Variants in EPHB1 observed in about 807,000 individuals in gnomAD.
EPHB1 encodes ephrin type-B receptor 1.
In EPHB1, 30 loss-of-function variants were observed where a neutral mutation model predicts 94.4. That is an observed-to-expected ratio of 0.32 (90% CI 0.24 to 0.43). The LOEUF is 0.43. Ranked by LOEUF, EPHB1 falls within the 20% of genes least tolerant of loss-of-function variation. The probability of loss-of-function intolerance (pLI) is 1.00; values close to 1 mark genes in which losing one functional copy is unlikely to be tolerated. For missense variants in EPHB1, 1,055 were observed against 1,308.3 expected, an observed-to-expected ratio of 0.81 and a Z score of 2.99; for synonymous variants, 522 against 489.1, an observed-to-expected ratio of 1.07 and a Z score of -0.89.
intron 1 of EPHB1, among the ~76,000 whole-genome samples, chr3:134,830,490 G>A (rs1578121015): frequency 2.0e-5 from 3 of 152,216 alleles, no homozygotes; most frequent in African/African-American, 7.2e-5. Flanking sequence ...AGGATGGTGG[G>A]GGAGTTTTGC....
chr3:134,995,708 G>T (rs964774435), intron 3 of EPHB1, among the ~76,000 whole-genome samples: 1 of 150,112 alleles, frequency 6.7e-6, no homozygotes, highest in African/African-American at 2.5e-5. Flanking sequence ...ATATAAAATG[G>T]TACAACCACT....
At chr3:134,945,813 G>A (rs1266611683) in intron 2 of EPHB1, among the ~76,000 whole-genome samples, 2 of 152,184 alleles carry the variant, frequency 1.3e-5, no homozygotes, top group East Asian at 1.9e-4. Context: ...ACTGACTTTC[G>A]GGCAGGCAGT....
chr3:135,065,971 G>A (rs1168029538), intron 3 of EPHB1, among the ~76,000 whole-genome samples: 3 of 152,164 alleles, frequency 2.0e-5, no homozygotes, highest in Non-Finnish European at 2.9e-5. Flanking sequence ...TAGTTTTACT[G>A]GATACAAAAT....
At chr3:134,930,883 G>A (rs62270312) in intron 2 of EPHB1, among the ~76,000 whole-genome samples, 12,863 of 152,232 alleles carry the variant, frequency 0.084, 604 homozygotes, top group African/African-American at 0.12. Flanking sequence ...CCTTCACTCT[G>A]TAAGTTAAAT....
chr3:135,223,107 C>T (rs562331173), intron 12 of EPHB1, among the ~76,000 whole-genome samples: 2 of 152,294 alleles, frequency 1.3e-5, no homozygotes, highest in South Asian at 4.1e-4. Flanking sequence ...ATCAGTAAGC[C>T]TAATCATATG....
At position 134,795,609 on chromosome 3, in the gene EPHB1, G is replaced by A. The variant is rs753435570; in HGVS notation, c.-23G>A. 6.2e-7 allele frequency: 1 copy of A among 1,603,358 alleles called. No individual in the cohort carries two copies. The highest frequency in any genetic ancestry group is 8.5e-7 in the Non-Finnish European group (1 of 1,176,092). On this transcript the variant is annotated 5_prime_UTR_variant, in exon 1 of 16. Coordinates refer to ENST00000398015, the MANE Select transcript of EPHB1 (RefSeq NM_004441.5). ...GGCGCTGCTGCCTCGGCTTGGTCTC[G>A]GCCTGCGGGCCGTCGGCCGGCGATG...
chr3:135,138,019 G>A (rs1940683270), intron 5 of EPHB1, among the ~76,000 whole-genome samples: 2 of 152,220 alleles, frequency 1.3e-5, no homozygotes, highest in Non-Finnish European at 2.9e-5. Flanking sequence ...GCCATTGGAT[G>A]ATTCTGATGC....
intron 4 of EPHB1, among the ~76,000 whole-genome samples, chr3:135,129,753 G>T (rs1253228417): frequency 1.3e-5 from 2 of 152,220 alleles, no homozygotes; most frequent in Non-Finnish European, 2.9e-5. Flanking sequence ...GGGCCTCAGG[G>T]AAGGGTCCTA....
intron 3 of EPHB1, among the ~76,000 whole-genome samples, chr3:135,048,181 C>T (rs1012647847): frequency 2.0e-5 from 3 of 149,434 alleles, no homozygotes; most frequent in African/African-American, 7.5e-5. Context: ...CTCCCTTAGT[C>T]CCTTTTCTGT....
chr3:135,249,601 C>G, intron 15 of EPHB1, 110 bp downstream of exon 15: 1 of 1,309,124 alleles, frequency 7.6e-7, no homozygotes, highest in Non-Finnish European at 1.1e-6. Context: ...GGAGCTCCGT[C>G]TCTGTATAGA....
At chr3:134,847,427 C>T (rs1241494942) in intron 1 of EPHB1, among the ~76,000 whole-genome samples, 1 of 152,234 alleles carries the variant, frequency 6.6e-6, no homozygotes, top group Non-Finnish European at 1.5e-5. Context: ...GGACACTCCA[C>T]CTACTTTACC....
chr3:134,898,987 C>T (rs1036409904), intron 1 of EPHB1, among the ~76,000 whole-genome samples: 2 of 152,080 alleles, frequency 1.3e-5, no homozygotes, highest in Non-Finnish European at 2.9e-5. Context: ...AGGGCACTGT[C>T]GGGGAGGCAT....
intron 2 of EPHB1, among the ~76,000 whole-genome samples, chr3:134,950,677 G>A (rs1439031904): frequency 6.6e-6 from 1 of 152,076 alleles, no homozygotes; most frequent in Non-Finnish European, 1.5e-5. Flanking sequence ...ATCACCAAAG[G>A]GATGGTGCTA....
At chr3:135,058,762 TA>T (rs1937413242) in intron 3 of EPHB1, among the ~76,000 whole-genome samples, 1 of 152,230 alleles carries the variant, frequency 6.6e-6, no homozygotes, top group South Asian at 2.1e-4. Context: ...TGCCTCCGGC[TA>T]CATGGGGATT....
intron 1 of EPHB1, among the ~76,000 whole-genome samples, chr3:134,909,985 C>T (rs2038418291): frequency 6.6e-6 from 1 of 152,154 alleles, no homozygotes; most frequent in African/African-American, 2.4e-5. Context: ...GAGGTCCAGC[C>T]CCACACAGTG....
chr3:134,913,460 C>T (rs12495735), intron 1 of EPHB1, among the ~76,000 whole-genome samples: 26,835 of 152,200 alleles, frequency 0.18, 2,665 homozygotes, highest in Admixed American at 0.3. Flanking sequence ...TTGCTGCTGC[C>T]CCTGTTCTGA....
intron 1 of EPHB1, among the ~76,000 whole-genome samples, chr3:134,802,995 C>T (rs577459767): frequency 6.6e-6 from 1 of 152,220 alleles, no homozygotes; most frequent in South Asian, 2.1e-4. Flanking sequence ...GGTCCTGTTT[C>T]CCCCTCCATC....
chr3:135,062,139 C>T (rs1341920856), intron 3 of EPHB1, among the ~76,000 whole-genome samples: 1 of 152,192 alleles, frequency 6.6e-6, no homozygotes, highest in African/African-American at 2.4e-5. Flanking sequence ...GTGAATTGTG[C>T]TGCTTTAAAC....
At chr3:135,043,790 G>T (rs369657083) in intron 3 of EPHB1, among the ~76,000 whole-genome samples, 1 of 152,136 alleles carries the variant, frequency 6.6e-6, no homozygotes, top group Non-Finnish European at 1.5e-5. Context: ...TCTTTCCCAC[G>T]TTAGTGCTTG....
Sources: gnomAD v4.1 joint callset for allele counts (sites outside exome capture counted in the v4.1 genomes callset) on GRCh38, gnomAD v4.1.1 for gene constraint, MANE v1.5 for transcripts, NCBI Gene and HGNC (gene_info 2026-07-23, HGNC 2026-07-21) for gene names.